LRBA: variants seen among roughly 807,000 people sequenced by gnomAD.
The protein encoded by LRBA is lipopolysaccharide-responsive and beige-like anchor protein.
LRBA carries 176 observed loss-of-function variants against 330.0 expected under a neutral mutation model. The observed-to-expected ratio is 0.53, with a 90% confidence interval of 0.47 to 0.60. The LOEUF is 0.60. Ranked by LOEUF, LRBA falls within the 20% of genes least tolerant of loss-of-function variation. The pLI is 0.00. For synonymous variants in LRBA, 1,230 were observed against 1,193.0 expected, an observed-to-expected ratio of 1.03 and a Z score of -0.64; for missense variants, 3,259 against 3,444.8, an observed-to-expected ratio of 0.95 and a Z score of 1.35.
chr4:150,871,320 G>A (rs1042005033), intron 19 of LRBA, 25 bp downstream of exon 19: 3 of 1,222,150 alleles, frequency 2.5e-6, no homozygotes, highest in Non-Finnish European at 3.6e-6. Context: ...AAATTTAGAG[G>A]AGTAAATCCT....
intron 17 of LRBA, among the ~76,000 whole-genome samples, chr4:150,889,549 G>A (rs1729268011): frequency 6.6e-6 from 1 of 152,196 alleles, no homozygotes; most frequent in South Asian, 2.1e-4. Flanking sequence ...CATATCAGCT[G>A]TGGCATTAGA....
At chr4:150,303,127 T>C (rs1286428523) in intron 52 of LRBA, among the ~76,000 whole-genome samples, 1 of 152,222 alleles carries the variant, frequency 6.6e-6, no homozygotes. Context: ...GAGAACCCTT[T>C]TGGAACCATT....
At chr4:150,775,423 A>G (rs1457044633) in intron 34 of LRBA, among the ~76,000 whole-genome samples, 1 of 151,026 alleles carries the variant, frequency 6.6e-6, no homozygotes, top group Non-Finnish European at 1.5e-5. Flanking sequence ...TTCAATCAAC[A>G]TACATTTCTA....
At chr4:150,524,605 ACTAATGG>A (rs1434983925) in intron 40 of LRBA, among the ~76,000 whole-genome samples, 1 of 152,202 alleles carries the variant, frequency 6.6e-6, no homozygotes, top group East Asian at 1.9e-4. Flanking sequence ...TATTATATTT[ACTAATGG>A]CTTTCACAGT....
At chr4:150,591,469 C>T (rs113707116) in intron 38 of LRBA, among the ~76,000 whole-genome samples, 17 of 152,306 alleles carry the variant, frequency 1.1e-4, no homozygotes, top group Admixed American at 2.6e-4. Flanking sequence ...ACATTACCCT[C>T]GTCCACATGT....
In LRBA at chr4:150,850,829, C is replaced by T; in HGVS notation, c.3899G>A (p.Arg1300Lys). Residue 1300 changes from arginine to lysine, a missense_variant, in exon 24 of 57, where the codon AGA becomes AAA. Physicochemically the swap from Arg to Lys is conservative, Grantham distance 26. Transcript: ENST00000651943. ...DAVNGQRRDS[R>K]STVFRIPEFN... ...CTCAGGAATACGAAACACAGTAGATCTGGAATCCCTCCTTTGTCCATTAAC... is the reference window on the plus strand; with the variant it reads ...CTCAGGAATACGAAACACAGTAGATTTGGAATCCCTCCTTTGTCCATTAAC... The T allele has an allele frequency of 1.2e-6, 2 of 1,613,964 alleles. No individual in the cohort carries two copies. The highest frequency in any genetic ancestry group is 8.5e-7 in the Non-Finnish European group (1 of 1,179,878).
chr4:150,517,538 G>A (rs1289054420), intron 40 of LRBA, among the ~76,000 whole-genome samples: 1 of 151,890 alleles, frequency 6.6e-6, no homozygotes, highest in Non-Finnish European at 1.5e-5. Flanking sequence ...TAAATAAATA[G>A]AAGGTGTTCT....
chr4:150,725,666 G>C (rs1729571877), intron 36 of LRBA, among the ~76,000 whole-genome samples: 1 of 152,170 alleles, frequency 6.6e-6, no homozygotes. Context: ...ACTGGTAATA[G>C]TAAGCACACA....
intron 36 of LRBA, among the ~76,000 whole-genome samples, chr4:150,711,209 A>G (rs971615684): frequency 6.6e-6 from 1 of 151,722 alleles, no homozygotes; most frequent in Non-Finnish European, 1.5e-5. Flanking sequence ...AAACATAGTG[A>G]CACAAAGAAG....
intron 47 of LRBA, among the ~76,000 whole-genome samples, chr4:150,395,219 C>T (rs2151915703): frequency 6.6e-6 from 1 of 152,060 alleles, no homozygotes; most frequent in Admixed American, 6.6e-5. Flanking sequence ...ATTTAAATTC[C>T]ATATTAATAT....
intron 22 of LRBA, among the ~76,000 whole-genome samples, chr4:150,862,969 ACT>A (rs2126965942): frequency 6.6e-6 from 1 of 151,242 alleles, no homozygotes; most frequent in South Asian, 2.1e-4. Flanking sequence ...ACAGAGCAAG[ACT>A]CTGTCTCATT....
chr4:150,271,327 T>C (rs1746063627), intron 56 of LRBA, among the ~76,000 whole-genome samples: 1 of 151,728 alleles, frequency 6.6e-6, no homozygotes, highest in Non-Finnish European at 1.5e-5. Flanking sequence ...TTTTTTTTTT[T>C]TCATACCCCA....
intron 2 of LRBA, among the ~76,000 whole-genome samples, chr4:150,944,442 A>G (rs918535521): frequency 5.9e-5 from 9 of 152,198 alleles, no homozygotes; most frequent in Non-Finnish European, 2.9e-5. Context: ...AACATAAGTA[A>G]CTTCTGAACA....
At chr4:150,954,844 A>C (rs1304282039) in intron 2 of LRBA, among the ~76,000 whole-genome samples, 2 of 146,906 alleles carry the variant, frequency 1.4e-5, no homozygotes, top group Admixed American at 1.3e-4. Context: ...AAAAAGAATA[A>C]AAGGAACACC....
intron 36 of LRBA, among the ~76,000 whole-genome samples, chr4:150,684,329 C>T (rs532447152): frequency 1.5e-4 from 23 of 152,242 alleles, no homozygotes; most frequent in Admixed American, 1.0e-3. Flanking sequence ...TGAGCTAGTT[C>T]TAAATACCTT....
At chr4:150,705,783 A>G (rs1002401766) in intron 36 of LRBA, among the ~76,000 whole-genome samples, 3 of 152,030 alleles carry the variant, frequency 2.0e-5, no homozygotes, top group Non-Finnish European at 2.9e-5. Flanking sequence ...TACTAAATAA[A>G]TATTTCATTA....
At chr4:150,797,976 A>G (rs773595235) in intron 34 of LRBA, 105 bp downstream of exon 34, 24 of 721,070 alleles carry the variant, frequency 3.3e-5, no homozygotes, top group Non-Finnish European at 4.8e-5. Flanking sequence ...CAAACTCACA[A>G]TTTTATTATA....
chr4:150,482,942 C>T (rs1317705913), intron 42 of LRBA, among the ~76,000 whole-genome samples: 2 of 151,812 alleles, frequency 1.3e-5, no homozygotes, highest in African/African-American at 4.8e-5. Flanking sequence ...ATAAGTTGAA[C>T]AAATACTTTA....
At chr4:150,670,587 G>C (rs1781967713) in intron 37 of LRBA, among the ~76,000 whole-genome samples, 1 of 152,192 alleles carries the variant, frequency 6.6e-6, no homozygotes, top group Admixed American at 6.5e-5. Context: ...TAAGATTTGG[G>C]AACTAGGTTT....
Sources: gnomAD v4.1 joint callset for allele counts (sites outside exome capture counted in the v4.1 genomes callset) on GRCh38, gnomAD v4.1.1 for gene constraint, MANE v1.5 for transcripts, NCBI Gene and HGNC (gene_info 2026-07-23, HGNC 2026-07-21) for gene names.